GLIPR1: variants seen among roughly 807,000 people sequenced by gnomAD.
The protein encoded by GLIPR1 is glioma pathogenesis-related protein 1.
A neutral mutation model predicts 30.3 loss-of-function variants in GLIPR1; 38 were observed. The ratio of observed to expected loss-of-function variants is 1.26; its 90% CI spans 0.97 to 1.65. The LOEUF (loss-of-function observed/expected upper bound fraction) is 1.65, where lower values mean the gene tolerates loss of function less well. GLIPR1 is among the 40% of genes most tolerant of loss of function. The pLI is 0.00. For missense variants in GLIPR1, 285 were observed against 326.5 expected, an observed-to-expected ratio of 0.87 and a Z score of 0.98; for synonymous variants, 122 against 110.6, an observed-to-expected ratio of 1.10 and a Z score of -0.65.
chr12:75,497,209 C>T (rs376751463), intron 4 of GLIPR1: 1 of 152,088 alleles, frequency 6.6e-6, no homozygotes, highest in African/African-American at 2.4e-5. Context: ...AAATGTTTCC[C>T]TTTAAAAATC....
intron 5 of GLIPR1, 34 bp from the exon 6 acceptor site, chr12:75,498,790 A>G (rs2046368752): frequency 1.9e-6 from 3 of 1,610,852 alleles, no homozygotes; most frequent in East Asian, 4.5e-5. Flanking sequence ...ATGAGGAACA[A>G]TGTCTAAGAG....
At chr12:75,492,257 T>G (rs2046327977) in intron 3 of GLIPR1, 1 of 152,180 alleles carries the variant, frequency 6.6e-6, no homozygotes, top group African/African-American at 2.4e-5. Flanking sequence ...CCCAGTTAAT[T>G]TTTTTGTAGA....
At chr12:75,487,647 A>T in intron 2 of GLIPR1, 1 of 408,032 alleles carries the variant, frequency 2.5e-6, no homozygotes, top group East Asian at 7.2e-5. Context: ...CTCCCTAGTC[A>T]CGTCCCCACT....
chr12:75,481,966 G>A lies in GLIPR1; in HGVS notation c.307G>A (p.Gly103Arg). The A allele has an allele frequency of 6.2e-7, 1 of 1,614,132 alleles. No homozygotes were observed. Among genetic ancestry groups the A allele is most frequent in the Non-Finnish European group, 8.5e-7 (1 of 1,180,004 alleles). ...FTSLGENIWTGSVPIFSVSSA... is the reference protein window; with the variant it reads ...FTSLGENIWTRSVPIFSVSSA... ...TTCACTGGGAGAGAACATCTGGACT[G>A]GGTCTGTGCCCATTTTTTCTGTGTC... is the stretch of plus-strand genomic sequence containing the variant. The change falls in exon 2 of 6, where the codon GGG becomes AGG. Residue 103 changes from glycine to arginine, a missense_variant. By Grantham distance (125) the Gly-to-Arg change is moderately radical. Transcript: ENST00000266659.
rs1201323624 is a variant in GLIPR1 at position 75,499,650 on chromosome 12, AATAAT to A, written c.*678_*682del. The A allele has an allele frequency of 5.7e-5, 22 of 389,376 alleles. No individual in the cohort carries two copies. Among genetic ancestry groups the A allele is most frequent in the Non-Finnish European group, 7.5e-5 (17 of 226,050 alleles). The allele number at this position is 389,376 out of a possible 1,614,324, so 24.1% of individuals were successfully genotyped here. A position where few individuals can be genotyped will look rare whatever the true frequency, so the allele number is the denominator to read the frequency against. Reference sequence around the variant, plus strand: ...GTATAAATTTTTCAAAAAATACAATAATAATATAATTTATAAAGAACACTCTTCTA... The same window carrying A: ...GTATAAATTTTTCAAAAAATACAATAATAATTTATAAAGAACACTCTTCTA... On this transcript the variant is annotated 3_prime_UTR_variant, in exon 6 of 6. Coordinates refer to ENST00000266659, the MANE Select transcript of GLIPR1 (RefSeq NM_006851.3).
At position 75,500,933 on chromosome 12, in the gene GLIPR1, T is replaced by C. The variant is rs902824170; in HGVS notation, c.*1955T>C. On this transcript the variant is annotated 3_prime_UTR_variant, in exon 6 of 6. Coordinates refer to ENST00000266659, the MANE Select transcript of GLIPR1 (RefSeq NM_006851.3). Reference sequence around the variant, plus strand: ...ATACTTATGACATTTCTACCTTTTATATAACCAATAATCTACCATAGAATG... The same window carrying C: ...ATACTTATGACATTTCTACCTTTTACATAACCAATAATCTACCATAGAATG... The C allele has an allele frequency of 3.9e-5, 6 of 152,220 alleles. No homozygotes were observed. In the South Asian group the frequency reaches 1.2e-3, roughly 32 times the overall value. 9.4% of individuals were successfully genotyped at this position (152,220 alleles called of 1,614,324 possible).
chr12:75,499,735 T>C lies in GLIPR1; in HGVS notation c.*757T>C. On this transcript the variant is annotated 3_prime_UTR_variant, in exon 6 of 6. Transcript: ENST00000266659. ...AAGCCCTCAGAAAATTTCTCACAAA[T>C]AAGGCAACTAATGCCTGATATCTCA... 8.8e-7 allele frequency: 1 copy of C among 1,135,586 alleles called. No individual in the cohort carries two copies. The highest frequency in any genetic ancestry group is 2.8e-5 in the East Asian group (1 of 35,856). The allele number at this position is 1,135,586 out of a possible 1,614,324, so 70.3% of individuals were successfully genotyped here.
chr12:75,498,545 A>G, intron 4 of GLIPR1, 149 bp from the exon 5 acceptor site: 1 of 614,120 alleles, frequency 1.6e-6, no homozygotes, highest in Non-Finnish European at 2.9e-6. Context: ...GTCAGTTCAA[A>G]AAGTTTTGAA....
chr12:75,503,772 T>G lies in GLIPR1; in HGVS notation c.*4794T>G. 1 of 785,906 alleles carries G rather than the reference T, an allele frequency of 1.3e-6. No individual in the cohort carries two copies. Among genetic ancestry groups the G allele is most frequent in the Non-Finnish European group, 1.9e-6 (1 of 515,036 alleles). The allele number at this position is 785,906 out of a possible 1,614,324, so 48.7% of individuals were successfully genotyped here. ...CCTATTTATATTTACCCTCAGTTTCTTATAGCTCTGCACACACACACACAA... is the reference window on the plus strand; with the variant it reads ...CCTATTTATATTTACCCTCAGTTTCGTATAGCTCTGCACACACACACACAA... On this transcript the variant is annotated 3_prime_UTR_variant, in exon 6 of 6. Transcript: ENST00000266659.
intron 4 of GLIPR1, chr12:75,496,293 T>G (rs1321726441): frequency 6.6e-6 from 1 of 152,120 alleles, no homozygotes; most frequent in East Asian, 2.0e-4. Context: ...AGGTGGAGGT[T>G]GCAGTGAGCA....
chr12:75,499,871 T>TAAGA lies in GLIPR1; in HGVS notation c.*894_*897dup. On this transcript the variant is annotated 3_prime_UTR_variant, in exon 6 of 6. Coordinates refer to ENST00000266659, the MANE Select transcript of GLIPR1 (RefSeq NM_006851.3). ...ATCTTAAGTGCAATTTCTTCAGCTG[T>TAAGA]AAGAGCTCCCAGTTTCTTATTCTTT... 6.2e-7 allele frequency: 1 copy of TAAGA among 1,609,678 alleles called. No homozygotes were observed. Among genetic ancestry groups the TAAGA allele is most frequent in the Non-Finnish European group, 8.5e-7 (1 of 1,178,092 alleles).
intron 2 of GLIPR1, among the ~76,000 whole-genome samples, chr12:75,487,474 C>T (rs757802293): frequency 1.3e-5 from 2 of 152,236 alleles, no homozygotes; most frequent in African/African-American, 4.8e-5. Context: ...ATTGCCTGTT[C>T]AGGCTGGAGT....
chr12:75,485,298 T>A (rs1056285010), intron 2 of GLIPR1, among the ~76,000 whole-genome samples: 1 of 152,336 alleles, frequency 6.6e-6, no homozygotes, highest in Non-Finnish European at 1.5e-5. Flanking sequence ...TCACTGGAGA[T>A]AGACTGGCAT....
At chr12:75,487,288 A>G (rs965351096) in intron 2 of GLIPR1, among the ~76,000 whole-genome samples, 1 of 152,262 alleles carries the variant, frequency 6.6e-6, no homozygotes, top group Non-Finnish European at 1.5e-5. Flanking sequence ...GACAGGCCCA[A>G]GATCATTTTA....
In GLIPR1 at chr12:75,499,990, A is replaced by AT; in HGVS notation, c.*1016dup. 1.3e-6 allele frequency: 2 copies of AT among 1,505,360 alleles called. No individual in the cohort carries two copies. The highest frequency in any genetic ancestry group is 9.0e-7 in the Non-Finnish European group (1 of 1,115,122). 93.3% of individuals were successfully genotyped at this position (1,505,360 alleles called of 1,614,324 possible). A position where few individuals can be genotyped will look rare whatever the true frequency, so the allele number is the denominator to read the frequency against. Reference sequence around the variant, plus strand: ...AAGCACAACACATGTAATACTTTAGATTTTACCAAGTAAAACAAAGAATAT... The same window carrying AT: ...AAGCACAACACATGTAATACTTTAGATTTTTACCAAGTAAAACAAAGAATAT... On this transcript the variant is annotated 3_prime_UTR_variant, in exon 6 of 6. Coordinates refer to ENST00000266659, the MANE Select transcript of GLIPR1 (RefSeq NM_006851.3).
chr12:75,499,976 A>ATGTAATACTT lies in GLIPR1; in HGVS notation c.*1000_*1009dup, dbSNP rs746072165. On this transcript the variant is annotated 3_prime_UTR_variant, in exon 6 of 6. Transcript: ENST00000266659. ...GCTAGACAAATTAAAAGCACAACAC[A>ATGTAATACTT]TGTAATACTTTAGATTTTACCAAGT... The ATGTAATACTT allele has an allele frequency of 6.4e-7, 1 of 1,557,100 alleles. No homozygotes were observed. Among genetic ancestry groups the ATGTAATACTT allele is most frequent in the South Asian group, 1.2e-5 (1 of 83,486 alleles).
At chr12:75,488,379 A>G (rs934019759) in intron 2 of GLIPR1, among the ~76,000 whole-genome samples, 18 of 151,886 alleles carry the variant, frequency 1.2e-4, no homozygotes, top group South Asian at 2.1e-4. Flanking sequence ...CTCTACTAAA[A>G]ATACAAAATT....
At chr12:75,485,564 T>TATTTATTTATTTATTTATTTATTTA (rs71078738) in intron 2 of GLIPR1, among the ~76,000 whole-genome samples, 1 of 148,828 alleles carries the variant, frequency 6.7e-6, no homozygotes, top group African/African-American at 2.5e-5. Flanking sequence ...TTTATTTATT[T>TATTTATTTATTTATTTATTTATTTA]TTTTGAGACG....
At chr12:75,486,969 T>C (rs1017933440) in intron 2 of GLIPR1, among the ~76,000 whole-genome samples, 1 of 152,120 alleles carries the variant, frequency 6.6e-6, no homozygotes, top group African/African-American at 2.4e-5. Flanking sequence ...TATTATACCC[T>C]AATAAACCTG....
Sources: gnomAD v4.1 joint callset for allele counts (sites outside exome capture counted in the v4.1 genomes callset) on GRCh38, gnomAD v4.1.1 for gene constraint, MANE v1.5 for transcripts, NCBI Gene and HGNC (gene_info 2026-07-23, HGNC 2026-07-21) for gene names.